Variants in LYST observed in about 807,000 individuals in gnomAD.
The protein encoded by LYST is lysosomal trafficking regulator.
A neutral mutation model predicts 413.6 loss-of-function variants in LYST; 192 were observed. The observed-to-expected ratio is 0.46, with a 90% CI of 0.41 to 0.52. The LOEUF (loss-of-function observed/expected upper bound fraction) is 0.52, where lower values mean the gene tolerates loss of function less well. LYST is among the 20% of genes least tolerant of loss of function. LYST has a pLI of 0.00. For synonymous variants in LYST, 1,525 were observed against 1,567.3 expected, an observed-to-expected ratio of 0.97 and a Z score of 0.64; for missense variants, 3,815 against 4,499.9, an observed-to-expected ratio of 0.85 and a Z score of 4.35.
At position 235,697,138 on chromosome 1, in the gene LYST, T is replaced by G; in HGVS notation, c.10509A>C (p.Ala3503=). 6.2e-7 allele frequency: 1 copy of G among 1,614,190 alleles called. No individual in the cohort carries two copies. Among genetic ancestry groups the G allele is most frequent in the East Asian group, 2.2e-5 (1 of 44,890 alleles). ...AGAAATTCCGTGACAAACCACAGAT[T>G]GCTCTGGTGGGCAGAGCCTGGAGAG... The part of the protein sequence containing the change: ...FGSLQALPTR[A]ICGLSRNFCL... The change falls in exon 46 of 53, where the codon GCA becomes GCC. Residue 3503 remains alanine, a synonymous_variant. Transcript: ENST00000389793.
upstream of LYST, among the ~76,000 whole-genome samples, chr1:235,869,041 A>G (rs1364870395): frequency 6.6e-6 from 1 of 152,222 alleles, no homozygotes; most frequent in Non-Finnish European, 1.5e-5. Flanking sequence ...TATTTTATTC[A>G]ATAGTATCTT....
At chr1:235,880,519 G>T (rs982676286) in intron 1 of LYST, among the ~76,000 whole-genome samples, 6 of 152,162 alleles carry the variant, frequency 3.9e-5, no homozygotes, top group African/African-American at 1.4e-4. Flanking sequence ...AAACCAGAAA[G>T]AACCATGGGA....
chr1:235,725,161 C>T (rs898296989), intron 38 of LYST, among the ~76,000 whole-genome samples: 3 of 152,126 alleles, frequency 2.0e-5, no homozygotes, highest in African/African-American at 4.8e-5. Context: ...AGGCCGGGTG[C>T]GGTGGCTCAT....
rs902893249 is a variant in LYST at position 235,752,064 on chromosome 1, A to G, written c.7568T>C (p.Ile2523Thr). Residue 2523 changes from isoleucine to threonine, a missense_variant, in exon 27 of 53, where the codon ATT becomes ACT. Physicochemically the swap from Ile to Thr is moderately conservative, Grantham distance 89. Around this residue, in one of 4 missense-constraint regions of LYST, gnomAD observed 771 missense variants for 837.1 expected, o/e 0.92. Transcript: ENST00000389793. ...TCCAAGCATTACAATAAGGTCTTCAATAACCCTAAAATATTGTGAGCCTGA... is the reference window on the plus strand; with the variant it reads ...TCCAAGCATTACAATAAGGTCTTCAGTAACCCTAAAATATTGTGAGCCTGA... ...SSSGSQYFRV[I>T]EDLIVMLGYL... 1.2e-6 allele frequency: 2 copies of G among 1,610,520 alleles called. No homozygotes were observed. Among genetic ancestry groups the G allele is most frequent in the African/African-American group, 1.3e-5 (1 of 74,840 alleles).
intron 22 of LYST, among the ~76,000 whole-genome samples, chr1:235,761,593 T>C (rs965516672): frequency 6.6e-6 from 1 of 152,086 alleles, no homozygotes; most frequent in Non-Finnish European, 1.5e-5. Context: ...TTCAGCAGTA[T>C]GACAATGGTT....
chr1:235,830,039 CA>C, intron 3 of LYST, 186 bp downstream of exon 3: 1 of 574,524 alleles, frequency 1.7e-6, no homozygotes, highest in East Asian at 2.9e-5. Flanking sequence ...TAAGATATTT[CA>C]GACGTTTTGA....
At position 235,744,054 on chromosome 1, in the gene LYST, A is replaced by G; in HGVS notation, c.8076T>C (p.His2692=). Residue 2692 remains histidine, a synonymous_variant, in exon 30 of 53, where the codon CAT becomes CAC. Transcript: ENST00000389793. ...QTEISEENIH[H]EQSSVFNPFQ... ...ATGGATTGAAAACAGAAGACTGTTC[A>G]TGATGAATATTTTCCTCAGAAATTT... 1 of 1,583,324 alleles carries G rather than the reference A, an allele frequency of 6.3e-7. No homozygotes were observed. The highest frequency in any genetic ancestry group is 8.7e-7 in the Non-Finnish European group (1 of 1,152,404).
At chr1:235,877,149 A>G (rs949523636) in intron 1 of LYST, among the ~76,000 whole-genome samples, 3 of 152,234 alleles carry the variant, frequency 2.0e-5, no homozygotes, top group African/African-American at 7.2e-5. Context: ...TGAAGTCAGC[A>G]CTGACATGCT....
At chr1:235,880,002 G>T (rs1681309616) in intron 1 of LYST, among the ~76,000 whole-genome samples, 1 of 152,190 alleles carries the variant, frequency 6.6e-6, no homozygotes, top group African/African-American at 2.4e-5. Flanking sequence ...CTCCCAAAGT[G>T]CTGGGATTAC....
At chr1:235,703,924 A>C (rs1286381578) in intron 44 of LYST, among the ~76,000 whole-genome samples, 1 of 97,398 alleles carries the variant, frequency 1.0e-5, no homozygotes, top group African/African-American at 6.3e-5. Context: ...CCTCACCCTA[A>C]AATAGGCACC....
At chr1:235,857,784 C>CATAT (rs71583794) in intron 1 of LYST, among the ~76,000 whole-genome samples, 11,944 of 121,122 alleles carry the variant, frequency 0.099, 680 homozygotes, top group Non-Finnish European at 0.11. Context: ...CACACACACA[C>CATAT]ATATATATAT....
chr1:235,812,831 T>C, intron 4 of LYST, 140 bp downstream of exon 4: 1 of 682,512 alleles, frequency 1.5e-6, no homozygotes, highest in South Asian at 1.7e-5. Flanking sequence ...TTTGCCTAAA[T>C]AATTTTTCAT....
In LYST at chr1:235,752,048, T is replaced by C. The variant is rs775685709; in HGVS notation, c.7584A>G (p.Val2528=). ...QYFRVIEDLI[V]MLGYLQNSKN... ...TGCTATTTTGAAGATATCCAAGCAT[T>C]ACAATAAGGTCTTCAATAACCCTAA... Residue 2528 remains valine, a synonymous_variant, in exon 27 of 53, where the codon GTA becomes GTG. Coordinates refer to ENST00000389793, the MANE Select transcript of LYST (RefSeq NM_000081.4). 1.7e-5 allele frequency: 27 copies of C among 1,610,342 alleles called. No individual in the cohort carries two copies. The Admixed American group carries it at 2.5e-4, about 15-fold the overall frequency.
At chr1:235,768,399 A>T (rs138824162) in intron 20 of LYST, among the ~76,000 whole-genome samples, 232 of 152,216 alleles carry the variant, frequency 1.5e-3, no homozygotes, top group African/African-American at 5.2e-3. Flanking sequence ...CTCACAAATG[A>T]ATGAAACTGC....
At chr1:235,663,245 T>C (rs1016654775) in intron 52 of LYST, among the ~76,000 whole-genome samples, 167 bp from the exon 53 acceptor site, 1 of 152,164 alleles carries the variant, frequency 6.6e-6, no homozygotes, top group Non-Finnish European at 1.5e-5. Context: ...AATTCTAACA[T>C]AGTCACTCTG....
intron 48 of LYST, among the ~76,000 whole-genome samples, chr1:235,678,650 T>C (rs1659572565): frequency 6.6e-6 from 1 of 152,198 alleles, no homozygotes; most frequent in Non-Finnish European, 1.5e-5. Flanking sequence ...AATCTTAACA[T>C]TTTATATTAT....
intron 22 of LYST, among the ~76,000 whole-genome samples, chr1:235,762,362 A>C (rs1482361701): frequency 6.6e-6 from 1 of 152,222 alleles, no homozygotes; most frequent in South Asian, 2.1e-4. Context: ...GAGTCAAAAA[A>C]TGTGAAGCTG....
chr1:235,821,513 A>T lies in LYST; in HGVS notation c.193-8452T>A, dbSNP rs145821404. On this transcript the variant is annotated intron_variant, in intron 3 of 52. Coordinates refer to ENST00000389793, the MANE Select transcript of LYST (RefSeq NM_000081.4). The stretch of plus-strand genomic sequence containing the variant: ...GAAAGAAATCCTCTATTCGAAGCTT[A>T]ATTTGTTTTTAGACCTTTTATCAAA... Among the ~76,000 whole-genome samples the T allele has an allele frequency of 2.0e-5, 3 of 152,292 alleles. No individual in the cohort carries two copies. The East Asian group carries it at 5.8e-4, about 29-fold the overall frequency.
intron 16 of LYST, among the ~76,000 whole-genome samples, chr1:235,778,423 G>A (rs190393655): frequency 1.3e-5 from 2 of 152,018 alleles, no homozygotes; most frequent in East Asian, 3.9e-4. Flanking sequence ...TGCCCAGGCT[G>A]GAGTACAGTG....
Sources: allele counts gnomAD v4.1 joint callset (sites outside exome capture counted in the v4.1 genomes callset), GRCh38; gene constraint gnomAD v4.1.1; regional missense constraint gnomAD v4.1.1; transcripts MANE v1.5; gene names NCBI Gene and HGNC (gene_info 2026-07-23, HGNC 2026-07-21).